Variants in RAB6B observed in about 807,000 individuals in gnomAD.
RAB6B encodes the protein ras-related protein Rab-6B.
A neutral mutation model predicts 31.2 loss-of-function variants in RAB6B; 7 were observed. That is an observed-to-expected ratio of 0.22 (90% CI 0.13 to 0.42). The LOEUF (loss-of-function observed/expected upper bound fraction) is 0.42. Among genes scored for constraint, RAB6B ranks in the 10% least tolerant of loss-of-function variants. The pLI, the probability that RAB6B is intolerant of heterozygous loss-of-function variation, is 1.00. For missense variants in RAB6B, 149 were observed against 280.6 expected (o/e 0.53, Z 3.35); for synonymous variants, 105 against 104.9 (o/e 1.00, Z -0.01).
At chr3:133,853,965 C>T (rs1278379717) in intron 2 of RAB6B, among the ~76,000 whole-genome samples, 1 of 152,202 alleles carries the variant, frequency 6.6e-6, no homozygotes, top group Non-Finnish European at 1.5e-5. Context: ...AACACAGCCC[C>T]ATGAGACCAT....
At chr3:133,889,419 TATATATATATATATATATATATA>T (rs1936602482) in intron 1 of RAB6B, among the ~76,000 whole-genome samples, 6 of 61,394 alleles carry the variant, frequency 9.8e-5, no homozygotes, top group African/African-American at 3.3e-4. Flanking sequence ...TATATATATA[TATATATATATATATATATATATA>T]TATTTATTTT....
chr3:133,892,322 G>A (rs1936648685), intron 1 of RAB6B, among the ~76,000 whole-genome samples: 1 of 152,156 alleles, frequency 6.6e-6, no homozygotes, highest in African/African-American at 2.4e-5. Context: ...CCCAGCCTGT[G>A]CCAAGCTGAC....
intron 6 of RAB6B, among the ~76,000 whole-genome samples, chr3:133,837,740 T>C (rs1935758089): frequency 6.6e-6 from 1 of 152,180 alleles, no homozygotes; most frequent in Non-Finnish European, 1.5e-5. Flanking sequence ...TGAGTTGCCC[T>C]CCACAGCCCT....
chr3:133,870,156 A>G (rs1019724152), intron 1 of RAB6B, among the ~76,000 whole-genome samples: 19 of 152,208 alleles, frequency 1.2e-4, no homozygotes, highest in African/African-American at 4.3e-4. Flanking sequence ...AGCCTCAGGA[A>G]ACTTACAATC....
rs998651443 is a variant in RAB6B, at chr3:133,861,719, G to A, written c.129+2865C>T. Among the ~76,000 whole-genome samples the A allele has an allele frequency of 7.9e-5, 12 of 152,338 alleles. No homozygotes were observed. In the South Asian group the frequency reaches 8.3e-4, roughly 11 times the overall value. On this transcript the variant is annotated intron_variant, in intron 2 of 7. Coordinates refer to ENST00000285208, the MANE Select transcript of RAB6B (RefSeq NM_016577.4). Reference sequence around the variant, plus strand: ...ACATCTTTTGTCAGAATGAGTGAACGAGAGGGGAGTAGTGGGGCCAGAGAC... The same window carrying A: ...ACATCTTTTGTCAGAATGAGTGAACAAGAGGGGAGTAGTGGGGCCAGAGAC...
chr3:133,892,315 A>G (rs1280818854), intron 1 of RAB6B, among the ~76,000 whole-genome samples: 6 of 152,034 alleles, frequency 3.9e-5, no homozygotes, highest in Admixed American at 6.5e-5. Context: ...CCACAATCCC[A>G]GCCTGTGCCA....
At position 133,838,277 on chromosome 3, in the gene RAB6B, G is replaced by T. The variant is rs544035636; in HGVS notation, c.402-18C>A. 4 of 1,607,314 alleles carry T rather than the reference G, an allele frequency of 2.5e-6. No homozygotes were observed. Among genetic ancestry groups the T allele is most frequent in the Non-Finnish European group, 3.4e-6 (4 of 1,173,848 alleles). ...TTATCTGCCTAGAGATGAGGGGAAG[G>T]GGGGAAATCAGCTCAGCAGAGAAGC... On this transcript the variant is annotated intron_variant, in intron 5 of 7. Transcript: ENST00000285208.
intron 1 of RAB6B, among the ~76,000 whole-genome samples, chr3:133,892,254 C>G (rs1047396845): frequency 2.6e-5 from 4 of 152,168 alleles, no homozygotes; most frequent in Non-Finnish European, 5.9e-5. Context: ...GGGGACTCCA[C>G]AGCCTCCCTG....
intron 2 of RAB6B, among the ~76,000 whole-genome samples, chr3:133,842,087 C>T (rs1464694204): frequency 6.6e-6 from 1 of 152,248 alleles, no homozygotes; most frequent in Non-Finnish European, 1.5e-5. Flanking sequence ...CTGGGCTCAA[C>T]ACTGACCTCG....
chr3:133,895,274 C>T (rs1936692194), intron 1 of RAB6B, 123 bp downstream of exon 1: 1 of 1,060,092 alleles, frequency 9.4e-7, no homozygotes, highest in Non-Finnish European at 1.4e-6. Flanking sequence ...CATCCCTGTC[C>T]CTCTCCTCTA....
At chr3:133,868,830 G>A (rs1018161009) in intron 1 of RAB6B, among the ~76,000 whole-genome samples, 14 of 152,308 alleles carry the variant, frequency 9.2e-5, no homozygotes, top group African/African-American at 3.4e-4. Flanking sequence ...AGCAGCAGAT[G>A]AGAATTTGGC....
intron 1 of RAB6B, among the ~76,000 whole-genome samples, chr3:133,889,749 T>A (rs1472518537): frequency 6.6e-6 from 1 of 152,138 alleles, no homozygotes; most frequent in Non-Finnish European, 1.5e-5. Flanking sequence ...CAGCCTTATT[T>A]TGTTATAATT....
rs907109309 is a variant in RAB6B at position 133,825,569 on chromosome 3, C to T, written c.*3219G>A. 6.6e-6 allele frequency: 1 copy of T among 152,238 alleles called. No individual in the cohort carries two copies. The highest frequency in any genetic ancestry group is 1.5e-5 in the Non-Finnish European group (1 of 68,058). The allele number at this position is 152,238 out of a possible 1,614,324, so 9.4% of individuals were successfully genotyped here. On this transcript the variant is annotated 3_prime_UTR_variant, in exon 8 of 8. Coordinates refer to ENST00000285208, the MANE Select transcript of RAB6B (RefSeq NM_016577.4). ...ATCACACAACTGCAGCCATGGTGCT[C>T]ATGATTCTGATGTCACACCTTCATG...
In RAB6B at chr3:133,824,669, C is replaced by A. The variant is rs1047189297; in HGVS notation, c.*4119G>T. The A allele has an allele frequency of 6.6e-6, 1 of 152,128 alleles. No individual in the cohort carries two copies. Among genetic ancestry groups the A allele is most frequent in the African/African-American group, 2.4e-5 (1 of 41,400 alleles). The allele number at this position is 152,128 out of a possible 1,614,324, so 9.4% of individuals were successfully genotyped here. A position where few individuals can be genotyped will look rare whatever the true frequency, so the allele number is the denominator to read the frequency against. On this transcript the variant is annotated 3_prime_UTR_variant, in exon 8 of 8. Transcript: ENST00000285208. ...GGGTGTCCTGATCTGTGTGGGTGCCCATGACAATCAATCAGAGTAGACTTG... is the reference window on the plus strand; with the variant it reads ...GGGTGTCCTGATCTGTGTGGGTGCCAATGACAATCAATCAGAGTAGACTTG...
intron 2 of RAB6B, 23 bp from the exon 3 acceptor site, chr3:133,841,686 G>C: frequency 6.2e-7 from 1 of 1,612,838 alleles, no homozygotes; most frequent in South Asian, 1.1e-5. Flanking sequence ...AGCACAGAAC[G>C]GTCAAAATCA....
At chr3:133,836,428 A>G (rs1435790758) in intron 6 of RAB6B, among the ~76,000 whole-genome samples, 1 of 152,154 alleles carries the variant, frequency 6.6e-6, no homozygotes. Flanking sequence ...AGGGTCAGGT[A>G]TGGGTTTCTG....
At chr3:133,867,745 G>C (rs889868551) in intron 1 of RAB6B, among the ~76,000 whole-genome samples, 2 of 152,202 alleles carry the variant, frequency 1.3e-5, no homozygotes, top group African/African-American at 4.8e-5. Context: ...GAAGTGCTTT[G>C]TGGGGTACAA....
intron 3 of RAB6B, 49 bp downstream of exon 3, chr3:133,841,561 C>A (rs753344076): frequency 6.2e-7 from 1 of 1,601,616 alleles, no homozygotes. Context: ...AGGGGATAAG[C>A]CCAAAGGAAC....
chr3:133,865,131 G>A (rs1433300033), intron 1 of RAB6B, among the ~76,000 whole-genome samples: 1 of 152,230 alleles, frequency 6.6e-6, no homozygotes, highest in Non-Finnish European at 1.5e-5. Context: ...CCAGGGGCGG[G>A]GAGGCAAATG....
Sources: allele counts gnomAD v4.1 joint callset (sites outside exome capture counted in the v4.1 genomes callset), GRCh38; gene constraint gnomAD v4.1.1; transcripts MANE v1.5; gene names NCBI Gene and HGNC (gene_info 2026-07-23, HGNC 2026-07-21).